The following CPEB4 variants were observed in gnomAD, a reference collection of about 807,000 sequenced individuals.
The protein encoded by CPEB4 is cytoplasmic polyadenylation element binding protein 4.
A neutral mutation model predicts 72.5 loss-of-function variants in CPEB4; 12 were observed. That is an observed-to-expected ratio of 0.17 (90% CI 0.11 to 0.27). The LOEUF (loss-of-function observed/expected upper bound fraction) is 0.27, where lower values mean the gene tolerates loss of function less well. Among genes scored for constraint, CPEB4 ranks in the 10% least tolerant of loss-of-function variants. CPEB4 has a pLI of 1.00. For synonymous variants in CPEB4, 302 were observed against 326.3 expected (o/e 0.93, Z 0.80); for missense variants, 614 against 908.5 (o/e 0.68, Z 4.17).
At chr5:173,944,140 A>G (rs1480029967) in intron 4 of CPEB4, among the ~76,000 whole-genome samples, 3 of 152,342 alleles carry the variant, frequency 2.0e-5, no homozygotes, top group South Asian at 2.1e-4. Context: ...TTAGAAATAG[A>G]TAATACCCTT....
intron 1 of CPEB4, among the ~76,000 whole-genome samples, chr5:173,894,066 C>T (rs553896785): frequency 2.3e-4 from 35 of 152,274 alleles, no homozygotes; most frequent in Middle Eastern, 3.4e-3. Flanking sequence ...AATCACAGCT[C>T]ACTGCAGCCT....
Position 173,888,487 on chromosome 5 carries a change from CAGG to C in CPEB4, c.-1241_-1239del, listed in dbSNP as rs1755688121. 2.3e-6 allele frequency: 1 copy of C among 429,340 alleles called. No individual in the cohort carries two copies. The highest frequency in any genetic ancestry group is 4.1e-6 in the Non-Finnish European group (1 of 246,120). 26.6% of individuals were successfully genotyped at this position (429,340 alleles called of 1,614,324 possible). A position where few individuals can be genotyped will look rare whatever the true frequency, so the allele number is the denominator to read the frequency against. ...GGAAGAAGGAAAGAAAAAGAAGAAC[CAGG>C]AGGAGTCCTCAACAACGACAGCGGG... On this transcript the variant is annotated 5_prime_UTR_variant, in exon 1 of 10. Coordinates refer to ENST00000265085, the MANE Select transcript of CPEB4 (RefSeq NM_030627.4). This position sits in a 1 kb window ranked among gnomAD's most constrained non-coding sequence, Gnocchi z 4.3.
intron 1 of CPEB4, among the ~76,000 whole-genome samples, chr5:173,901,498 C>G (rs578123859): frequency 1.3e-5 from 2 of 152,130 alleles, no homozygotes; most frequent in Non-Finnish European, 2.9e-5. Flanking sequence ...CTCTGATGCT[C>G]GTTGTCTTCA....
At chr5:173,930,937 C>G (rs1247088236) in intron 2 of CPEB4, among the ~76,000 whole-genome samples, 1 of 147,260 alleles carries the variant, frequency 6.8e-6, no homozygotes, top group Non-Finnish European at 1.5e-5. Flanking sequence ...CTTGCAGTGA[C>G]CCGAGATTGC....
chr5:173,893,639 T>C (rs1180917993), intron 1 of CPEB4, among the ~76,000 whole-genome samples: 2 of 152,158 alleles, frequency 1.3e-5, no homozygotes, highest in African/African-American at 4.8e-5. Flanking sequence ...CCACAGACAT[T>C]AAGGATAGTG....
At chr5:173,946,370 A>G (rs941268659) in intron 5 of CPEB4, among the ~76,000 whole-genome samples, 11 of 152,360 alleles carry the variant, frequency 7.2e-5, no homozygotes, top group Non-Finnish European at 8.8e-5. Flanking sequence ...AAGACAAATC[A>G]TTTAAAAGCT....
chr5:173,933,112 T>C (rs1757501800), intron 3 of CPEB4, among the ~76,000 whole-genome samples: 1 of 152,238 alleles, frequency 6.6e-6, no homozygotes, highest in African/African-American at 2.4e-5. Context: ...TCTGTTTTTT[T>C]AGTATCATGG....
rs749355575 is a variant in CPEB4, at chr5:173,932,479, G to C, written c.1237G>C (p.Asp413His). 1 of 1,612,512 alleles carries C rather than the reference G, an allele frequency of 6.2e-7. No individual in the cohort carries two copies. The highest frequency in any genetic ancestry group is 8.5e-7 in the Non-Finnish European group (1 of 1,179,182). ...TCTAAACTATTCATATCCAGGATCCGATAGCTCTCTGCTTATTAATGGTAA... is the reference window on the plus strand; with the variant it reads ...TCTAAACTATTCATATCCAGGATCCCATAGCTCTCTGCTTATTAATGGTAA... Reference protein sequence around the residue: ...GRLNYSYPGSDSSLLINARTY... With the variant: ...GRLNYSYPGSHSSLLINARTY... Residue 413 changes from aspartate to histidine, a missense_variant, in exon 3 of 10, where the codon GAT (aspartate) becomes CAT (histidine). Coordinates refer to ENST00000265085, the MANE Select transcript of CPEB4 (RefSeq NM_030627.4).
chr5:173,942,965 G>A lies in CPEB4; in HGVS notation c.1259-61G>A, dbSNP rs569456739. ...AGATGAAATCACAGTTGATTCTTTT[G>A]ACAATGTTTGAAAGGTTGTTTTGTT... On this transcript the variant is annotated intron_variant, in intron 3 of 9. Coordinates refer to ENST00000265085, the MANE Select transcript of CPEB4 (RefSeq NM_030627.4). 19 of 1,533,004 alleles carry A rather than the reference G, an allele frequency of 1.2e-5. No homozygotes were observed. The South Asian group carries it at 1.9e-4, about 15-fold the overall frequency. The allele number at this position is 1,533,004 out of a possible 1,614,324, so 95.0% of individuals were successfully genotyped here.
chr5:173,897,936 A>G (rs1039226377), intron 1 of CPEB4, among the ~76,000 whole-genome samples: 2 of 152,314 alleles, frequency 1.3e-5, no homozygotes, highest in African/African-American at 2.4e-5. Context: ...TTTAACTTGG[A>G]TAGCAGAATT....
chr5:173,935,742 C>T (rs1757598148), intron 3 of CPEB4, among the ~76,000 whole-genome samples: 2 of 148,752 alleles, frequency 1.3e-5, no homozygotes, highest in Non-Finnish European at 3.0e-5. Context: ...AATCCCCTCA[C>T]CAGCCTCTTA....
rs775869639 is a variant in CPEB4, at chr5:173,888,837, G to A, written c.-897G>A. 70 of 297,472 alleles carry A rather than the reference G, an allele frequency of 2.4e-4. No homozygotes were observed. Among genetic ancestry groups the A allele is most frequent in the Non-Finnish European group, 3.1e-4 (51 of 162,828 alleles). The allele number at this position is 297,472 out of a possible 1,614,324, so 18.4% of individuals were successfully genotyped here. ...CTTCCAGGTCGCCCCCTCGGTCCCC[G>A]CACCCCCAGGCCGCCCGCTCACCCT... is the stretch of plus-strand genomic sequence containing the variant. On this transcript the variant is annotated 5_prime_UTR_variant, in exon 1 of 10. Transcript: ENST00000265085. The surrounding 1 kb of genome is among the most constrained non-coding windows in gnomAD (Gnocchi z 4.3).
At chr5:173,911,758 CTTCATTCATTCATTCA>C (rs368468085) in intron 2 of CPEB4, among the ~76,000 whole-genome samples, 1 of 139,054 alleles carries the variant, frequency 7.2e-6, no homozygotes, top group Non-Finnish European at 1.5e-5. Context: ...CTGTTGGCTC[CTTCATTCATTCATTCA>C]TTCATTCATT....
chr5:173,908,143 T>C (rs1756511880), intron 1 of CPEB4, among the ~76,000 whole-genome samples: 1 of 152,214 alleles, frequency 6.6e-6, no homozygotes, highest in Non-Finnish European at 1.5e-5. Context: ...TCTACTTGGC[T>C]TCTGAAAGAA....
chr5:173,955,550 T>A lies in CPEB4; in HGVS notation c.1963-360T>A, dbSNP rs908415515. Among the ~76,000 whole-genome samples, 7 of 152,218 alleles carry A rather than the reference T, an allele frequency of 4.6e-5. No homozygotes were observed. Among genetic ancestry groups the A allele is most frequent in the African/African-American group, 1.7e-4 (7 of 41,452 alleles). ...TTTGTTTAAATTATGATTCCACATA[T>A]GACAAAAATCCAGATCCACTAATTA... is the stretch of plus-strand genomic sequence containing the variant. On this transcript the variant is annotated intron_variant, in intron 9 of 9. Coordinates refer to ENST00000265085, the MANE Select transcript of CPEB4 (RefSeq NM_030627.4). The surrounding 1 kb of genome is among the most constrained non-coding windows in gnomAD (Gnocchi z 4.7).
At chr5:173,937,636 G>C (rs1031875369) in intron 3 of CPEB4, among the ~76,000 whole-genome samples, 1 of 152,176 alleles carries the variant, frequency 6.6e-6, no homozygotes, top group African/African-American at 2.4e-5. Flanking sequence ...ATCATACTCA[G>C]AATATATGCA....
Position 173,956,274 on chromosome 5 carries a change from A to G in CPEB4, c.*137A>G, listed in dbSNP as rs1216051254. On this transcript the variant is annotated 3_prime_UTR_variant, in exon 10 of 10. Coordinates refer to ENST00000265085, the MANE Select transcript of CPEB4 (RefSeq NM_030627.4). ...ACTTAACTATAGTATAATGAAAAGA[A>G]TGACCTATAATATAGGTGTTTTGTA... 1 of 644,598 alleles carries G rather than the reference A, an allele frequency of 1.6e-6. No homozygotes were observed. The highest frequency in any genetic ancestry group is 1.8e-5 in the African/African-American group (1 of 54,714). 39.9% of individuals were successfully genotyped at this position (644,598 alleles called of 1,614,324 possible).
At chr5:173,941,495 G>A (rs535464071) in intron 3 of CPEB4, among the ~76,000 whole-genome samples, 4 of 152,346 alleles carry the variant, frequency 2.6e-5, no homozygotes, top group African/African-American at 9.6e-5. Flanking sequence ...ATATTTCTGA[G>A]TTATAATTAT....
At chr5:173,921,960 G>A (rs1437990619) in intron 2 of CPEB4, among the ~76,000 whole-genome samples, 1 of 152,100 alleles carries the variant, frequency 6.6e-6, no homozygotes, top group Non-Finnish European at 1.5e-5. Flanking sequence ...AGATCCTTAC[G>A]GTAACCTGTT....
Sources: gnomAD v4.1 joint callset for allele counts (sites outside exome capture counted in the v4.1 genomes callset) on GRCh38, gnomAD v4.1.1 for gene constraint, Gnocchi (gnomAD v3.1) non-coding constraint, MANE v1.5 for transcripts, NCBI Gene and HGNC (gene_info 2026-07-23, HGNC 2026-07-21) for gene names.